The following GTF2IRD1 variants were observed in gnomAD, a reference collection of about 807,000 sequenced individuals.
GTF2IRD1 encodes GTF2I repeat domain containing 1, also known as general transcription factor II-I repeat domain-containing protein 1.
Under a neutral mutation model 113.2 loss-of-function variants are expected in GTF2IRD1, and 26 were observed. The observed-to-expected ratio is 0.23, with a 90% confidence interval of 0.17 to 0.32. GTF2IRD1 has a LOEUF of 0.32. GTF2IRD1 is among the 10% of genes least tolerant of loss of function. GTF2IRD1 has a pLI of 1.00. For missense variants in GTF2IRD1, 864 were observed against 1,280.8 expected, an observed-to-expected ratio of 0.67 and a Z score of 4.97; for synonymous variants, 484 against 529.1, an observed-to-expected ratio of 0.91 and a Z score of 1.17.
chr7:74,562,529 G>A (rs1800033335), intron 22 of GTF2IRD1, among the ~76,000 whole-genome samples: 1 of 149,598 alleles, frequency 6.7e-6, no homozygotes, highest in Admixed American at 6.7e-5. Flanking sequence ...GGTTAGCTGG[G>A]AGGACTATTT....
chr7:74,526,227 A>G (rs1448126087), intron 8 of GTF2IRD1, among the ~76,000 whole-genome samples: 1 of 152,152 alleles, frequency 6.6e-6, no homozygotes, highest in Non-Finnish European at 1.5e-5. Context: ...GCCTTTTCCA[A>G]ATGTCAGTTC....
chr7:74,503,357 T>A (rs1379944797), intron 1 of GTF2IRD1, among the ~76,000 whole-genome samples: 1 of 152,138 alleles, frequency 6.6e-6, no homozygotes, highest in Non-Finnish European at 1.5e-5. Context: ...CAGTCGCTCT[T>A]CTACTATTCT....
At chr7:74,558,234 G>A (rs1401437872) in intron 20 of GTF2IRD1, among the ~76,000 whole-genome samples, 6 of 145,568 alleles carry the variant, frequency 4.1e-5, no homozygotes, top group South Asian at 2.2e-4. Context: ...AGCTGAGATC[G>A]CGCCATTGCA....
rs183968400 is a variant in GTF2IRD1 at position 74,513,347 on chromosome 7, C to T, written c.265+376C>T. ...ATGAGACAGAGTCTTGCCCTGTCAC[C>T]CAGGCTGGAGTGCAGTGGCACAATT... On this transcript the variant is annotated intron_variant, in intron 3 of 26. Transcript: ENST00000424337. Among the ~76,000 whole-genome samples the T allele has an allele frequency of 8.3e-4, 126 of 152,264 alleles. 1 individual carries two copies. Among genetic ancestry groups the T allele is most frequent in the Non-Finnish European group, 9.6e-4 (65 of 68,018 alleles).
At chr7:74,579,793 CA>C (rs1477852056) in intron 22 of GTF2IRD1, among the ~76,000 whole-genome samples, 1 of 151,984 alleles carries the variant, frequency 6.6e-6, no homozygotes, top group African/African-American at 2.4e-5. Flanking sequence ...GCCCAGGCTA[CA>C]TTTTTTTTTA....
intron 25 of GTF2IRD1, among the ~76,000 whole-genome samples, chr7:74,599,633 A>C (rs1272556874): frequency 6.6e-6 from 1 of 152,010 alleles, no homozygotes; most frequent in Admixed American, 6.6e-5. Context: ...GGACCTGTGA[A>C]CTCTCCACTC....
chr7:74,554,865 C>T (rs587641961), intron 17 of GTF2IRD1, among the ~76,000 whole-genome samples: 39 of 152,258 alleles, frequency 2.6e-4, no homozygotes, highest in African/African-American at 8.7e-4. Flanking sequence ...ACCAGCTCCA[C>T]GGGAGGCCAC....
intron 17 of GTF2IRD1, among the ~76,000 whole-genome samples, chr7:74,551,338 T>A (rs1799295261): frequency 6.6e-6 from 1 of 151,798 alleles, no homozygotes; most frequent in Non-Finnish European, 1.5e-5. Context: ...GCGAGACTCC[T>A]TCTCAAAATA....
At chr7:74,564,030 G>GT (rs1317287742) in intron 22 of GTF2IRD1, among the ~76,000 whole-genome samples, 7 of 151,602 alleles carry the variant, frequency 4.6e-5, no homozygotes, top group Admixed American at 6.6e-5. Context: ...GTTTTGTTTT[G>GT]TTTTTTTGTT....
chr7:74,529,300 C>T (rs1009034194), intron 8 of GTF2IRD1, among the ~76,000 whole-genome samples: 1 of 152,236 alleles, frequency 6.6e-6, no homozygotes, highest in Non-Finnish European at 1.5e-5. Context: ...GTTGCCCAGG[C>T]TGGAGTGCAG....
At chr7:74,459,294 C>CT (rs1554328409) in intron 1 of GTF2IRD1, among the ~76,000 whole-genome samples, 1 of 152,058 alleles carries the variant, frequency 6.6e-6, no homozygotes, top group Non-Finnish European at 1.5e-5. Flanking sequence ...CCCATCTCTA[C>CT]TAAAAATACA....
At chr7:74,526,299 G>A (rs961625322) in intron 8 of GTF2IRD1, among the ~76,000 whole-genome samples, 8 of 152,138 alleles carry the variant, frequency 5.3e-5, no homozygotes, top group Non-Finnish European at 7.4e-5. Context: ...CCATAAAGCC[G>A]GAGCTCCCTC....
At chr7:74,507,587 A>G (rs1283037367) in intron 1 of GTF2IRD1, 4 of 156,394 alleles carry the variant, frequency 2.6e-5, no homozygotes, top group African/African-American at 4.8e-5. Flanking sequence ...CTAGGGAAGC[A>G]TGAACATCGG....
intron 7 of GTF2IRD1, among the ~76,000 whole-genome samples, chr7:74,523,653 A>T (rs1305802792): frequency 6.6e-6 from 1 of 151,538 alleles, no homozygotes; most frequent in African/African-American, 2.4e-5. Flanking sequence ...CCTGGGAGGC[A>T]GAGGTTGCAG....
At chr7:74,529,607 C>T (rs1797838104) in intron 8 of GTF2IRD1, 127 bp from the exon 9 acceptor site, 7 of 680,710 alleles carry the variant, frequency 1.0e-5, no homozygotes, top group South Asian at 9.5e-5. Context: ...TCTGCAGGAT[C>T]CCTCTGGCCG....
rs1187913265 is a variant in GTF2IRD1 at position 74,512,660 on chromosome 7, C to G, written c.124-170C>G. On this transcript the variant is annotated intron_variant, in intron 2 of 26. Coordinates refer to ENST00000424337, the MANE Select transcript of GTF2IRD1 (RefSeq NM_005685.4). This position sits in a 1 kb window ranked among gnomAD's most constrained non-coding sequence, Gnocchi z 4.4. ...CCAATGCCTGCAGGGCCATTTCATT[C>G]AGTCCCACTACAGAATCTGAGACCA... Among the ~76,000 whole-genome samples, 1 of 152,226 alleles carries G rather than the reference C, an allele frequency of 6.6e-6. No homozygotes were observed. Among genetic ancestry groups the G allele is most frequent in the African/African-American group, 2.4e-5 (1 of 41,456 alleles).
At chr7:74,544,513 C>T (rs1286575640) in intron 14 of GTF2IRD1, among the ~76,000 whole-genome samples, 2 of 152,206 alleles carry the variant, frequency 1.3e-5, no homozygotes, top group Non-Finnish European at 2.9e-5. Context: ...CCCACGTGTC[C>T]TCAGTGTCTA....
intron 1 of GTF2IRD1, among the ~76,000 whole-genome samples, chr7:74,488,940 A>G (rs1428641721): frequency 3.9e-5 from 6 of 152,116 alleles, no homozygotes; most frequent in African/African-American, 1.2e-4. Context: ...TCAGGAGTTC[A>G]AGACCAGCCT....
chr7:74,492,847 A>G (rs1439287871), intron 1 of GTF2IRD1, among the ~76,000 whole-genome samples: 1 of 151,782 alleles, frequency 6.6e-6, no homozygotes, highest in Non-Finnish European at 1.5e-5. Flanking sequence ...GCATCACTCC[A>G]GTCTTCAAGG....
Sources: allele counts gnomAD v4.1 joint callset (sites outside exome capture counted in the v4.1 genomes callset), GRCh38; gene constraint gnomAD v4.1.1; non-coding constraint Gnocchi (gnomAD v3.1); transcripts MANE v1.5; gene names NCBI Gene and HGNC (gene_info 2026-07-23, HGNC 2026-07-21).